Variants in VPS13B observed in about 807,000 individuals in gnomAD.
VPS13B encodes vacuolar protein sorting 13 homolog B, also known as intermembrane lipid transfer protein VPS13B.
A neutral mutation model predicts 426.4 loss-of-function variants in VPS13B; 285 were observed. The ratio of observed to expected loss-of-function variants is 0.67; its 90% CI spans 0.61 to 0.74. The LOEUF (loss-of-function observed/expected upper bound fraction) is 0.74. Among genes scored for constraint, VPS13B ranks in the 30% least tolerant of loss-of-function variants. VPS13B has a pLI of 0.00. For missense variants in VPS13B, 4,537 were observed against 4,782.6 expected, an observed-to-expected ratio of 0.95 and a Z score of 1.51; for synonymous variants, 1,676 against 1,676.4, an observed-to-expected ratio of 1.00 and a Z score of 0.01.
chr8:99,545,677 G>T (rs1408186474), intron 30 of VPS13B, among the ~76,000 whole-genome samples: 1 of 151,870 alleles, frequency 6.6e-6, no homozygotes, highest in Non-Finnish European at 1.5e-5. Flanking sequence ...TGGCTCTCTG[G>T]CAAACAGCCT....
At chr8:99,216,800 A>G (rs1208094439) in intron 17 of VPS13B, among the ~76,000 whole-genome samples, 1 of 152,060 alleles carries the variant, frequency 6.6e-6, no homozygotes, top group Non-Finnish European at 1.5e-5. Flanking sequence ...GTTTTTGGAT[A>G]TATTGAATAA....
intron 17 of VPS13B, among the ~76,000 whole-genome samples, chr8:99,238,241 AGTGTGTGTGTGTGTGT>A (rs199541620): frequency 6.7e-5 from 10 of 149,934 alleles, no homozygotes; most frequent in Non-Finnish European, 1.2e-4. Flanking sequence ...AGTTTGTGGG[AGTGTGTGTGTGTGTGT>A]GTGTGTGTGT....
chr8:99,576,218 T>G (rs1340050300), intron 32 of VPS13B, among the ~76,000 whole-genome samples: 1 of 152,160 alleles, frequency 6.6e-6, no homozygotes, highest in Non-Finnish European at 1.5e-5. Flanking sequence ...ATCCTTGTTT[T>G]TATATTATTA....
At chr8:99,225,424 C>T (rs1815963846) in intron 17 of VPS13B, among the ~76,000 whole-genome samples, 1 of 152,008 alleles carries the variant, frequency 6.6e-6, no homozygotes, top group Non-Finnish European at 1.5e-5. Flanking sequence ...CTAGAGGCAC[C>T]CACCACCACG....
In VPS13B at chr8:99,511,383, A is replaced by G; in HGVS notation, c.4504A>G (p.Arg1502Gly). The G allele has an allele frequency of 1.2e-6, 2 of 1,614,004 alleles. No homozygotes were observed. Among genetic ancestry groups the G allele is most frequent in the Non-Finnish European group, 1.7e-6 (2 of 1,179,992 alleles). Reference protein sequence around the residue: ...AKLPKTQKEKRKSPGQPMRTH... With the variant: ...AKLPKTQKEKGKSPGQPMRTH... ...ACTACCAAAGACCCAAAAAGAGAAA[A>G]GAAAATCTCCTGGTCAGCCCATGAG... The change falls in exon 29 of 62, where the codon AGA becomes GGA. Residue 1502 changes from arginine (R) to glycine (G), a missense_variant. Around this residue, in one of 2 missense-constraint regions of VPS13B, gnomAD observed 4,311 missense variants for 4,474.3 expected, o/e 0.96. Transcript: ENST00000357162.
intron 32 of VPS13B, among the ~76,000 whole-genome samples, 154 bp from the exon 33 acceptor site, chr8:99,577,336 G>T (rs1825824654): frequency 6.6e-6 from 1 of 152,098 alleles, no homozygotes; most frequent in South Asian, 2.1e-4. Context: ...GTGTCAAGTG[G>T]CTGTGCTCAC....
chr8:99,372,865 A>G (rs58745976), intron 19 of VPS13B, among the ~76,000 whole-genome samples: 1 of 152,196 alleles, frequency 6.6e-6, no homozygotes, highest in Non-Finnish European at 1.5e-5. Flanking sequence ...ACATGCACAC[A>G]TATGTTTATT....
intron 17 of VPS13B, among the ~76,000 whole-genome samples, chr8:99,217,000 A>G (rs1815426901): frequency 6.6e-6 from 1 of 152,154 alleles, no homozygotes; most frequent in South Asian, 2.1e-4. Flanking sequence ...AAAATGGCAC[A>G]TTAGCTTTTC....
chr8:99,170,027 T>C lies in VPS13B; in HGVS notation c.2209-12T>C, dbSNP rs759764148. On this transcript the variant is annotated splice_polypyrimidine_tract_variant and intron_variant, in intron 15 of 61. Coordinates refer to ENST00000357162, the MANE Select transcript of VPS13B (RefSeq NM_152564.5). ...TCTGTGTGAACACTTGCATCTTTTC[T>C]TTTTGTTTTAGATATTTGGTTTCCA... 2 of 1,611,984 alleles carry C rather than the reference T, an allele frequency of 1.2e-6. No homozygotes were observed. The highest frequency in any genetic ancestry group is 1.1e-5 in the South Asian group (1 of 91,056).
chr8:99,388,237 T>C (rs184604371), intron 20 of VPS13B, among the ~76,000 whole-genome samples: 1 of 152,148 alleles, frequency 6.6e-6, no homozygotes, highest in Admixed American at 6.5e-5. Flanking sequence ...ACTAATATCA[T>C]AATAATGGTT....
chr8:99,106,533 C>T (rs940818587), intron 5 of VPS13B, among the ~76,000 whole-genome samples: 7 of 151,796 alleles, frequency 4.6e-5, no homozygotes, highest in Admixed American at 1.3e-4. Context: ...GTAACCACCA[C>T]CAAGCTCAAG....
intron 19 of VPS13B, among the ~76,000 whole-genome samples, chr8:99,373,448 C>G (rs1813304766): frequency 6.6e-6 from 1 of 152,132 alleles, no homozygotes; most frequent in African/African-American, 2.4e-5. Flanking sequence ...TTTGGAACAT[C>G]TTAAAGCATT....
chr8:99,680,061 G>A (rs1831097325), intron 35 of VPS13B, among the ~76,000 whole-genome samples: 1 of 152,010 alleles, frequency 6.6e-6, no homozygotes, highest in African/African-American at 2.4e-5. Context: ...AGTCTTGCTT[G>A]TCTAAAAAAT....
intron 29 of VPS13B, among the ~76,000 whole-genome samples, chr8:99,512,303 G>T (rs1435689980): frequency 6.6e-6 from 1 of 152,152 alleles, no homozygotes; most frequent in African/African-American, 2.4e-5. Flanking sequence ...TAAGAATAAA[G>T]AGTTAGTCTT....
At chr8:99,336,698 T>C (rs976265759) in intron 19 of VPS13B, among the ~76,000 whole-genome samples, 9 of 151,958 alleles carry the variant, frequency 5.9e-5, no homozygotes, top group South Asian at 2.1e-4. Flanking sequence ...AAAAAGTGGG[T>C]GAAGGATATG....
intron 25 of VPS13B, among the ~76,000 whole-genome samples, chr8:99,487,241 C>T (rs973384736): frequency 2.6e-5 from 4 of 151,934 alleles, no homozygotes; most frequent in African/African-American, 4.8e-5. Context: ...TAGCACTTTT[C>T]GGTATTAAAT....
rs113115818 is a variant in VPS13B at position 99,023,431 on chromosome 8, G to A, written c.147+9496G>A. On this transcript the variant is annotated intron_variant, in intron 2 of 61. Coordinates refer to ENST00000357162, the MANE Select transcript of VPS13B (RefSeq NM_152564.5). The stretch of plus-strand genomic sequence containing the variant: ...TGCAAAAGACAAGATTTTTTTTCTG[G>A]CATAATAGTATTCCGTTGTGTGTAC... Among the ~76,000 whole-genome samples the A allele has an allele frequency of 3.9e-3, 586 of 150,778 alleles. 6 individuals are homozygous for A. Among genetic ancestry groups the A allele is most frequent in the African/African-American group, 0.013 (521 of 41,104 alleles).
At chr8:99,242,691 T>C (rs7008093) in intron 17 of VPS13B, among the ~76,000 whole-genome samples, 5,187 of 152,306 alleles carry the variant, frequency 0.034, 123 homozygotes, top group Non-Finnish European at 0.048. Context: ...TAGTGTAAGT[T>C]ATACTTGAGT....
At chr8:99,185,138 G>A (rs1163436422) in intron 16 of VPS13B, among the ~76,000 whole-genome samples, 1 of 152,204 alleles carries the variant, frequency 6.6e-6, no homozygotes, top group African/African-American at 2.4e-5. Flanking sequence ...AGATCTTAGT[G>A]ATCTCTAAGA....
Sources: gnomAD v4.1 joint callset for allele counts (sites outside exome capture counted in the v4.1 genomes callset) on GRCh38, gnomAD v4.1.1 for gene constraint, gnomAD v4.1.1 regional missense constraint, MANE v1.5 for transcripts, NCBI Gene and HGNC (gene_info 2026-07-23, HGNC 2026-07-21) for gene names.